ESF1: variants seen among roughly 807,000 people sequenced by gnomAD.
The protein encoded by ESF1 is ESF1 nucleolar pre-rRNA processing protein, also known as ESF1 homolog.
Under a neutral mutation model 92.0 loss-of-function variants are expected in ESF1, and 58 were observed. The ratio of observed to expected loss-of-function variants is 0.63; its 90% CI spans 0.51 to 0.78. ESF1 has a LOEUF of 0.78. ESF1 is among the 30% of genes least tolerant of loss of function. The probability of loss-of-function intolerance (pLI) is 0.00; values close to 1 mark genes in which losing one functional copy is unlikely to be tolerated. For synonymous variants in ESF1, 321 were observed against 313.7 expected (o/e 1.02, Z -0.24); for missense variants, 922 against 989.1 (o/e 0.93, Z 0.91).
rs1979454973 is a variant in ESF1 at position 13,766,902 on chromosome 20, G to C, written c.1541C>G (p.Thr514Ser). ...GAGCATTGTAATTCTTTCATGATCAGTCTCATCCCAAGTGATTTCCACCTT... is the reference window on the plus strand; with the variant it reads ...GAGCATTGTAATTCTTTCATGATCACTCTCATCCCAAGTGATTTCCACCTT... ...TSTVEITWDE[T>S]DHERITMLNR... Residue 514 changes from threonine to serine, a missense_variant, in exon 8 of 14, where the codon ACT becomes AGT. By Grantham distance (58) the Thr-to-Ser change is moderately conservative. Coordinates refer to ENST00000617257, the MANE Select transcript of ESF1 (RefSeq NM_001276380.2). The C allele has an allele frequency of 1.9e-6, 3 of 1,612,426 alleles. No homozygotes were observed. The East Asian group carries it at 6.7e-5, about 36-fold the overall frequency.
chr20:13,766,796 C>G lies in ESF1; in HGVS notation c.1647G>C (p.Glu549Asp). 1.2e-6 allele frequency: 2 copies of G among 1,613,674 alleles called. No individual in the cohort carries two copies. The highest frequency in any genetic ancestry group is 1.7e-6 in the Non-Finnish European group (2 of 1,179,820). The part of the protein sequence containing the change: ...YLASSSEDEE[E>D]IEEELQGDDG... ...CAATACCTTGTAGCTCCTCTTCTAT[C>G]TCCTCTTCATCTTCACTAGAGGAAG... Residue 549 changes from glutamate to aspartate, a missense_variant, in exon 8 of 14, where the codon GAG (glutamate) becomes GAC (aspartate). Coordinates refer to ENST00000617257, the MANE Select transcript of ESF1 (RefSeq NM_001276380.2).
In ESF1 at chr20:13,783,958, A is replaced by G. The variant is rs553336613; in HGVS notation, c.-43-775T>C. On this transcript the variant is annotated intron_variant, in intron 1 of 13. Transcript: ENST00000617257. ...TTCTGTAAGACTAGCATTCTAACTA[A>G]ACAGACCAAAATCAACTCAGGTTTA... is the stretch of plus-strand genomic sequence containing the variant. 2.6e-5 allele frequency among the ~76,000 whole-genome samples: 4 copies of G among 152,346 alleles called. No individual in the cohort carries two copies. The East Asian group carries it at 7.7e-4, about 29-fold the overall frequency.
chr20:13,733,945 G>A (rs2049960297), intron 9 of ESF1, 103 bp from the exon 10 acceptor site: 7 of 1,308,480 alleles, frequency 5.3e-6, no homozygotes, highest in Non-Finnish European at 7.1e-6. Flanking sequence ...ATATTTAATA[G>A]AGTAACAAAG....
intron 11 of ESF1, among the ~76,000 whole-genome samples, chr20:13,724,701 A>G (rs1490781576): frequency 1.3e-5 from 2 of 152,238 alleles, no homozygotes; most frequent in Non-Finnish European, 2.9e-5. Flanking sequence ...TACCATAGGA[A>G]GTCAGATTAA....
chr20:13,717,019 G>A lies in ESF1; in HGVS notation c.2262+349C>T, dbSNP rs531907597. Among the ~76,000 whole-genome samples, 580 of 151,654 alleles carry A rather than the reference G, an allele frequency of 3.8e-3. 3 individuals carry two copies. Among genetic ancestry groups the A allele is most frequent in the African/African-American group, 0.013 (524 of 41,382 alleles). On this transcript the variant is annotated intron_variant, in intron 13 of 13. Coordinates refer to ENST00000617257, the MANE Select transcript of ESF1 (RefSeq NM_001276380.2). ...TTTTTAGTAGAGATGGGGTTTCACC[G>A]TGTTAGCCAGGATGGTCTTGACCTC...
chr20:13,722,052 T>C (rs999381720), intron 11 of ESF1, among the ~76,000 whole-genome samples: 6 of 152,166 alleles, frequency 3.9e-5, no homozygotes, highest in African/African-American at 1.2e-4. Context: ...AAATGACATA[T>C]GCAAAATATT....
intron 6 of ESF1, among the ~76,000 whole-genome samples, chr20:13,770,958 A>G (rs1192225732): frequency 2.0e-5 from 3 of 152,220 alleles, no homozygotes; most frequent in Non-Finnish European, 4.4e-5. Context: ...ACTGGATAGC[A>G]TGGATCTAGA....
intron 2 of ESF1, among the ~76,000 whole-genome samples, chr20:13,776,829 T>A (rs1979964431): frequency 6.6e-6 from 1 of 152,156 alleles, no homozygotes; most frequent in African/African-American, 2.4e-5. Flanking sequence ...GATGGAAATT[T>A]GTTTGAAAGA....
At chr20:13,733,277 CATAAG>C (rs1448639284) in intron 10 of ESF1, among the ~76,000 whole-genome samples, 5 of 152,022 alleles carry the variant, frequency 3.3e-5, no homozygotes, top group African/African-American at 1.2e-4. Flanking sequence ...ACAGATGAGC[CATAAG>C]ATAATACTGT....
At chr20:13,771,287 T>A (rs764374825) in intron 6 of ESF1, 44 bp downstream of exon 6, 2 of 1,515,488 alleles carry the variant, frequency 1.3e-6, no homozygotes, top group South Asian at 2.3e-5. Flanking sequence ...CTTATAATCA[T>A]GTTGTACTAA....
intron 11 of ESF1, among the ~76,000 whole-genome samples, chr20:13,727,519 T>G (rs760837011): frequency 6.6e-6 from 1 of 152,008 alleles, no homozygotes; most frequent in Non-Finnish European, 1.5e-5. Flanking sequence ...CAGCGTGGAG[T>G]TGCTCCAGGA....
intron 13 of ESF1, among the ~76,000 whole-genome samples, chr20:13,716,642 C>CTTT (rs1274212917): frequency 1.5e-5 from 2 of 132,878 alleles, no homozygotes; most frequent in African/African-American, 2.8e-5. Context: ...CTTTTTTTTT[C>CTTT]TTTTTTTTTT....
At chr20:13,747,692 T>C (rs2147747462) in intron 9 of ESF1, among the ~76,000 whole-genome samples, 1 of 121,170 alleles carries the variant, frequency 8.3e-6, no homozygotes, top group Middle Eastern at 4.1e-3. Context: ...CAGCTAATGA[T>C]GGAACACTTT....
intron 9 of ESF1, among the ~76,000 whole-genome samples, chr20:13,754,815 T>C (rs1033042677): frequency 6.6e-6 from 1 of 152,216 alleles, no homozygotes; most frequent in Non-Finnish European, 1.5e-5. Flanking sequence ...CATGTCTTTA[T>C]AATGGCCTAC....
chr20:13,743,307 G>C (rs1434018200), intron 9 of ESF1, among the ~76,000 whole-genome samples: 1 of 152,176 alleles, frequency 6.6e-6, no homozygotes, highest in Non-Finnish European at 1.5e-5. Flanking sequence ...AGCTATTATG[G>C]AAAACAGCAT....
At chr20:13,722,078 G>C (rs112238914) in intron 11 of ESF1, among the ~76,000 whole-genome samples, 34 of 152,178 alleles carry the variant, frequency 2.2e-4, no homozygotes, top group Middle Eastern at 3.4e-3. Context: ...GTAGCAGGGA[G>C]AAAATTAGAC....
At chr20:13,716,667 G>T (rs1329189562) in intron 13 of ESF1, among the ~76,000 whole-genome samples, 1 of 148,296 alleles carries the variant, frequency 6.7e-6, no homozygotes, top group African/African-American at 2.5e-5. Flanking sequence ...TTGAGACAGG[G>T]TCTTGTTCTG....
intron 13 of ESF1, among the ~76,000 whole-genome samples, chr20:13,716,616 T>C (rs1038698928): frequency 6.6e-6 from 1 of 151,864 alleles, no homozygotes; most frequent in Non-Finnish European, 1.5e-5. Context: ...ACCATCAGTC[T>C]TTCTGAAGAC....
At chr20:13,757,008 A>G (rs766351550) in intron 9 of ESF1, among the ~76,000 whole-genome samples, 7 of 152,166 alleles carry the variant, frequency 4.6e-5, no homozygotes, top group Non-Finnish European at 1.0e-4. Flanking sequence ...TTATAAGTCC[A>G]CTGTAGTGAA....
Sources: allele counts gnomAD v4.1 joint callset (sites outside exome capture counted in the v4.1 genomes callset), GRCh38; gene constraint gnomAD v4.1.1; transcripts MANE v1.5; gene names NCBI Gene and HGNC (gene_info 2026-07-23, HGNC 2026-07-21).